The following RUFY2 variants were observed in gnomAD, a reference collection of about 807,000 sequenced individuals.
RUFY2 encodes RUN and FYVE domain-containing protein 2.
RUFY2 carries 49 observed loss-of-function variants against 94.4 expected under a neutral mutation model. That is an observed-to-expected ratio of 0.52 (90% CI 0.41 to 0.66). RUFY2 has a LOEUF of 0.66. RUFY2 is among the 30% of genes least tolerant of loss of function. The pLI is 0.00. For missense variants in RUFY2, 541 were observed against 692.8 expected, an observed-to-expected ratio of 0.78 and a Z score of 2.46; for synonymous variants, 255 against 235.7, an observed-to-expected ratio of 1.08 and a Z score of -0.75.
chr10:68,386,829 C>T (rs1470113309), intron 7 of RUFY2, among the ~76,000 whole-genome samples: 4 of 152,078 alleles, frequency 2.6e-5, no homozygotes, highest in Non-Finnish European at 5.9e-5. Context: ...GTCTTTAATT[C>T]AAGCTCCATT....
chr10:68,392,832 G>A (rs2050106440), intron 7 of RUFY2, among the ~76,000 whole-genome samples: 1 of 151,144 alleles, frequency 6.6e-6, no homozygotes, highest in African/African-American at 2.4e-5. Flanking sequence ...GGAGGCTGAG[G>A]CAGGGGAATC....
chr10:68,359,617 T>C (rs891440932), intron 15 of RUFY2, among the ~76,000 whole-genome samples: 15 of 146,600 alleles, frequency 1.0e-4, no homozygotes, highest in Non-Finnish European at 2.1e-4. Flanking sequence ...TATATATATA[T>C]AAAAATATAC....
At chr10:68,407,056 TC>T (rs2051382657) in intron 1 of RUFY2, 129 bp downstream of exon 1, 10 of 1,471,926 alleles carry the variant, frequency 6.8e-6, no homozygotes, top group Non-Finnish European at 9.0e-6. Flanking sequence ...TCCCCGCCCA[TC>T]CTGGGTTCGG....
chr10:68,382,627 T>C (rs1589913765), intron 10 of RUFY2, among the ~76,000 whole-genome samples: 1 of 146,552 alleles, frequency 6.8e-6, no homozygotes, highest in Admixed American at 7.0e-5. Flanking sequence ...GGCAGGAGAA[T>C]GGCGTGAACC....
Position 68,361,285 on chromosome 10 carries a change from GA to G in RUFY2, c.1550+2304del, listed in dbSNP as rs1049439271. ...CAAGAGCGAAACTTCCTCTCAAAGA[GA>G]AAAAAAAAGTATTAGTTGGGGAATG... On this transcript the variant is annotated intron_variant, in intron 15 of 17. Coordinates refer to ENST00000602465, the MANE Select transcript of RUFY2 (RefSeq NM_001330103.2). Among the ~76,000 whole-genome samples the G allele has an allele frequency of 2.7e-4, 40 of 150,594 alleles. 1 individual carries two copies. Among genetic ancestry groups the G allele is most frequent in the African/African-American group, 9.0e-4 (37 of 41,152 alleles).
At chr10:68,369,471 C>A (rs2048096021) in intron 13 of RUFY2, among the ~76,000 whole-genome samples, 1 of 140,766 alleles carries the variant, frequency 7.1e-6, no homozygotes, top group Non-Finnish European at 1.5e-5. Flanking sequence ...GGCAACAGAG[C>A]CAGACCTTGT....
intron 15 of RUFY2, among the ~76,000 whole-genome samples, chr10:68,360,010 G>C (rs2047349131): frequency 1.3e-5 from 2 of 152,102 alleles, no homozygotes; most frequent in South Asian, 4.1e-4. Flanking sequence ...ATTTTTAGTA[G>C]AGATGGGGTT....
At chr10:68,365,014 C>T (rs2047707545) in intron 13 of RUFY2, among the ~76,000 whole-genome samples, 1 of 151,826 alleles carries the variant, frequency 6.6e-6, no homozygotes, top group Non-Finnish European at 1.5e-5. Context: ...ACTACAGTTA[C>T]TAATACTTTA....
In RUFY2 at chr10:68,352,067, A is replaced by AG. The variant is rs201661199; in HGVS notation, c.1599+3285_1599+3286insC. 9.1e-3 allele frequency among the ~76,000 whole-genome samples: 1,376 copies of AG among 151,830 alleles called. 22 individuals carry two copies. Among genetic ancestry groups the AG allele is most frequent in the African/African-American group, 0.03 (1,229 of 41,408 alleles). ...GCAAGACTGTCTCAAAAAAAAAAAA[A>AG]AGAAAAAAAGTGTGAGGATAAAACA... On this transcript the variant is annotated intron_variant, in intron 16 of 17. Coordinates refer to ENST00000602465, the MANE Select transcript of RUFY2 (RefSeq NM_001330103.2).
intron 6 of RUFY2, 183 bp downstream of exon 6, chr10:68,393,892 T>C (rs1352783723): frequency 7.6e-7 from 1 of 1,313,168 alleles, no homozygotes; most frequent in African/African-American, 1.5e-5. Context: ...AAAACCTCCT[T>C]CTCCTAAGTG....
At chr10:68,356,711 G>A (rs1456418669) in intron 15 of RUFY2, among the ~76,000 whole-genome samples, 1 of 151,472 alleles carries the variant, frequency 6.6e-6, no homozygotes, top group African/African-American at 2.4e-5. Flanking sequence ...TAACTCCCAG[G>A]CTAATTTTTG....
intron 7 of RUFY2, among the ~76,000 whole-genome samples, chr10:68,389,502 A>G (rs1217593178): frequency 6.6e-6 from 1 of 152,144 alleles, no homozygotes; most frequent in Non-Finnish European, 1.5e-5. Flanking sequence ...AGGCAGGAGA[A>G]TCACTTGAAA....
chr10:68,383,660 A>C, intron 10 of RUFY2, 138 bp downstream of exon 10: 3 of 682,790 alleles, frequency 4.4e-6, no homozygotes, highest in Non-Finnish European at 7.8e-6. Flanking sequence ...AGCTTAGAAA[A>C]TTTGAGAAGA....
At chr10:68,391,965 C>CA (rs2050024018) in intron 7 of RUFY2, among the ~76,000 whole-genome samples, 1 of 150,480 alleles carries the variant, frequency 6.6e-6, no homozygotes, top group South Asian at 2.1e-4. Context: ...GACTCTGTCT[C>CA]AAAAAAACAA....
chr10:68,404,889 C>T, intron 1 of RUFY2, 45 bp from the exon 2 acceptor site: 1 of 1,462,676 alleles, frequency 6.8e-7, no homozygotes, highest in Middle Eastern at 1.8e-4. Context: ...TAAGACATGA[C>T]AATGAAAAAT....
At chr10:68,381,690 T>A (rs756103834) in intron 10 of RUFY2, among the ~76,000 whole-genome samples, 3 of 152,028 alleles carry the variant, frequency 2.0e-5, no homozygotes, top group Admixed American at 6.6e-5. Flanking sequence ...ACCAAAAATA[T>A]ACAAAAACTT....
chr10:68,373,536 G>C (rs1445034212), intron 13 of RUFY2, among the ~76,000 whole-genome samples: 1 of 152,122 alleles, frequency 6.6e-6, no homozygotes, highest in Non-Finnish European at 1.5e-5. Context: ...GGAGGCTGAG[G>C]CAGAGGAATC....
chr10:68,387,230 G>A (rs372922175), intron 7 of RUFY2, among the ~76,000 whole-genome samples: 21 of 152,096 alleles, frequency 1.4e-4, no homozygotes, highest in East Asian at 5.8e-4. Flanking sequence ...GGTGGCGGGC[G>A]TCTGTAATCC....
chr10:68,398,581 G>A (rs2133160252), intron 3 of RUFY2, among the ~76,000 whole-genome samples: 1 of 152,248 alleles, frequency 6.6e-6, no homozygotes, highest in East Asian at 1.9e-4. Flanking sequence ...GAACCCAGGA[G>A]GTGGAGGTTG....
Sources: allele counts gnomAD v4.1 joint callset (sites outside exome capture counted in the v4.1 genomes callset), GRCh38; gene constraint gnomAD v4.1.1; transcripts MANE v1.5; gene names NCBI Gene and HGNC (gene_info 2026-07-23, HGNC 2026-07-21).